Variants in ATP8B4 observed in about 807,000 individuals in gnomAD.
ATP8B4 encodes ATPase phospholipid transporting 8B4 (putative), also known as probable phospholipid-transporting ATPase IM.
ATP8B4 carries 133 observed loss-of-function variants against 145.6 expected under a neutral mutation model. That is an observed-to-expected ratio of 0.91 (90% confidence interval 0.79 to 1.05). The LOEUF is 1.05. Among genes scored for constraint, ATP8B4 ranks in the 50% least tolerant of loss-of-function variants. ATP8B4 has a pLI of 0.00. For missense variants in ATP8B4, 1,458 were observed against 1,425.2 expected, an observed-to-expected ratio of 1.02 and a Z score of -0.37; for synonymous variants, 507 against 492.9, an observed-to-expected ratio of 1.03 and a Z score of -0.38.
intron 1 of ATP8B4, among the ~76,000 whole-genome samples, chr15:50,124,291 T>C (rs962229795): frequency 6.6e-6 from 1 of 152,162 alleles, no homozygotes; most frequent in Non-Finnish European, 1.5e-5. Flanking sequence ...CTTAACCTTT[T>C]ATGAAATAAA....
At chr15:49,928,818 T>C (rs1171206029) in intron 16 of ATP8B4, among the ~76,000 whole-genome samples, 1 of 152,036 alleles carries the variant, frequency 6.6e-6, no homozygotes, top group African/African-American at 2.4e-5. Flanking sequence ...GACAATAGAA[T>C]ATTCTAGAGA....
In ATP8B4 at chr15:49,858,988, T is replaced by A. The variant is rs1042042424; in HGVS notation, c.*1206A>T. ...TCATTTTACAGAGGAAGAAACTGAG[T>A]CTCAGAGAAGGCACATTATCGTCCA... On this transcript the variant is annotated 3_prime_UTR_variant, in exon 28 of 28. Transcript: ENST00000284509. The A allele has an allele frequency of 6.6e-6, 1 of 152,142 alleles. No homozygotes were observed. Among genetic ancestry groups the A allele is most frequent in the Non-Finnish European group, 1.5e-5 (1 of 68,022 alleles). The allele number at this position is 152,142 out of a possible 1,614,324, so 9.4% of individuals were successfully genotyped here.
intron 25 of ATP8B4, among the ~76,000 whole-genome samples, chr15:49,874,043 C>T (rs1227210575): frequency 6.6e-6 from 1 of 152,214 alleles, no homozygotes; most frequent in Non-Finnish European, 1.5e-5. Flanking sequence ...AATTTCCTCT[C>T]AACATCTCCC....
intron 14 of ATP8B4, among the ~76,000 whole-genome samples, chr15:49,942,253 A>G (rs2042218454): frequency 6.6e-6 from 1 of 151,724 alleles, no homozygotes. Flanking sequence ...ATGATACTAC[A>G]AAAAAAAGTA....
chr15:49,867,870 T>C (rs1443057089), intron 25 of ATP8B4, among the ~76,000 whole-genome samples: 1 of 152,168 alleles, frequency 6.6e-6, no homozygotes, highest in East Asian at 1.9e-4. Context: ...GAATAGTCAA[T>C]GAATAGAACT....
intron 4 of ATP8B4, among the ~76,000 whole-genome samples, chr15:50,045,636 A>T: frequency 6.6e-6 from 1 of 152,200 alleles, no homozygotes. Flanking sequence ...CTGATGTAGC[A>T]GTAAAAATGT....
chr15:50,104,766 T>A (rs964263800), intron 2 of ATP8B4, among the ~76,000 whole-genome samples: 2 of 151,746 alleles, frequency 1.3e-5, no homozygotes, highest in South Asian at 2.1e-4. Context: ...AAAAAGATAC[T>A]TGCACACGCA....
intron 17 of ATP8B4, among the ~76,000 whole-genome samples, chr15:49,922,593 A>C (rs2040360624): frequency 6.6e-6 from 1 of 152,242 alleles, no homozygotes; most frequent in Non-Finnish European, 1.5e-5. Flanking sequence ...CTGACAAAGA[A>C]CATGAATACT....
chr15:50,003,872 C>A (rs1396416045), intron 7 of ATP8B4, among the ~76,000 whole-genome samples: 1 of 152,116 alleles, frequency 6.6e-6, no homozygotes, highest in South Asian at 2.1e-4. Flanking sequence ...GGAGTCCCTG[C>A]ACACAGCTGG....
intron 12 of ATP8B4, among the ~76,000 whole-genome samples, chr15:49,977,562 G>T (rs1489972140): frequency 6.6e-6 from 1 of 151,966 alleles, no homozygotes; most frequent in Non-Finnish European, 1.5e-5. Flanking sequence ...TTTGAAAGCA[G>T]CTCAGCAAAT....
intron 2 of ATP8B4, among the ~76,000 whole-genome samples, chr15:50,102,346 G>C (rs2056415241): frequency 6.6e-6 from 1 of 151,940 alleles, no homozygotes; most frequent in Non-Finnish European, 1.5e-5. Context: ...TAGACCATTA[G>C]TGAGATTAAC....
At chr15:49,879,251 A>T (rs2035004227) in intron 24 of ATP8B4, 125 bp downstream of exon 24, 3 of 827,584 alleles carry the variant, frequency 3.6e-6, no homozygotes, top group Admixed American at 2.8e-5. Context: ...TGATCCATGC[A>T]AAAGCAACTA....
At chr15:49,969,281 G>C (rs2044854446) in intron 13 of ATP8B4, among the ~76,000 whole-genome samples, 1 of 152,094 alleles carries the variant, frequency 6.6e-6, no homozygotes, top group Admixed American at 6.5e-5. Flanking sequence ...CATCAGAACA[G>C]AATGGAAGGA....
chr15:50,062,536 G>A (rs1461317613), intron 3 of ATP8B4, among the ~76,000 whole-genome samples: 1 of 152,038 alleles, frequency 6.6e-6, no homozygotes, highest in Non-Finnish European at 1.5e-5. Flanking sequence ...CAACATGGCT[G>A]ATAAACCCAA....
rs531260615 is a variant in ATP8B4, at chr15:50,002,065, T to C, written c.506+88A>G. The C allele has an allele frequency of 5.8e-5, 63 of 1,085,248 alleles. No individual in the cohort carries two copies. In the South Asian group the frequency reaches 7.3e-4, roughly 13 times the overall value. 67.2% of individuals were successfully genotyped at this position (1,085,248 alleles called of 1,614,324 possible). On this transcript the variant is annotated intron_variant, in intron 8 of 27. Transcript: ENST00000284509. ...TAAACTCCTATGTCTCCCAAGAAGA[T>C]ACTGAACAAGGTTAAGTCTTATCTC...
chr15:50,007,169 G>A (rs1469879839), intron 7 of ATP8B4, among the ~76,000 whole-genome samples: 2 of 152,210 alleles, frequency 1.3e-5, no homozygotes, highest in Non-Finnish European at 2.9e-5. Context: ...GCAATCTCCG[G>A]TGAGCTTTTT....
At chr15:50,108,725 G>A (rs2056802229) in intron 1 of ATP8B4, among the ~76,000 whole-genome samples, 1 of 152,052 alleles carries the variant, frequency 6.6e-6, no homozygotes, top group South Asian at 2.1e-4. Flanking sequence ...GAGATAGGAG[G>A]AGCACTTCCT....
chr15:49,950,386 G>C (rs2042956247), intron 14 of ATP8B4, among the ~76,000 whole-genome samples: 1 of 151,870 alleles, frequency 6.6e-6, no homozygotes, highest in Non-Finnish European at 1.5e-5. Context: ...GTTTAGTCTT[G>C]ATAAGGTGTA....
chr15:49,975,244 A>G (rs2045561553), intron 12 of ATP8B4, among the ~76,000 whole-genome samples: 1 of 152,156 alleles, frequency 6.6e-6, no homozygotes, highest in African/African-American at 2.4e-5. Flanking sequence ...AAAGTACCTC[A>G]ATTAGTAAGG....
Sources: gnomAD v4.1 joint callset for allele counts (sites outside exome capture counted in the v4.1 genomes callset) on GRCh38, gnomAD v4.1.1 for gene constraint, MANE v1.5 for transcripts, NCBI Gene and HGNC (gene_info 2026-07-23, HGNC 2026-07-21) for gene names.